The following ATRNL1 variants were observed in gnomAD, a reference collection of about 807,000 sequenced individuals.
ATRNL1 encodes the protein attractin like 1.
In ATRNL1, 95 loss-of-function variants were observed where a neutral mutation model predicts 182.7. The observed-to-expected ratio is 0.52, with a 90% confidence interval of 0.44 to 0.62. The LOEUF (loss-of-function observed/expected upper bound fraction) is 0.62. Among genes scored for constraint, ATRNL1 ranks in the 20% least tolerant of loss-of-function variants. The pLI, the probability that ATRNL1 is intolerant of heterozygous loss-of-function variation, is 0.00. For missense variants in ATRNL1, 1,471 were observed against 1,679.5 expected (o/e 0.88, Z 2.17); for synonymous variants, 576 against 568.3 (o/e 1.01, Z -0.19).
At chr10:115,577,829 A>G (rs1854816927) in intron 26 of ATRNL1, among the ~76,000 whole-genome samples, 2 of 151,650 alleles carry the variant, frequency 1.3e-5, no homozygotes, top group South Asian at 2.1e-4. Context: ...ACATTGTACC[A>G]TATATTAGAG....
chr10:115,609,948 G>A (rs1020177025), intron 26 of ATRNL1, among the ~76,000 whole-genome samples: 2 of 152,142 alleles, frequency 1.3e-5, no homozygotes, highest in African/African-American at 2.4e-5. Context: ...TGTTGTTTGT[G>A]AGTCTAATCA....
At position 115,942,182 on chromosome 10, in the gene ATRNL1, A is replaced by G. The variant is rs572742613; in HGVS notation, c.4019-2476A>G. Among the ~76,000 whole-genome samples, 27 of 152,368 alleles carry G rather than the reference A, an allele frequency of 1.8e-4. 1 individual carries two copies. In the South Asian group the frequency reaches 3.1e-3, roughly 18 times the overall value. ...CTTTTCCTTTAAATAATGCACTTAC[A>G]TAATTCCATGCATCCACATAAATTC... On this transcript the variant is annotated intron_variant, in intron 28 of 28. Transcript: ENST00000355044.
intron 7 of ATRNL1, among the ~76,000 whole-genome samples, chr10:115,168,226 C>T (rs983494043): frequency 2.6e-5 from 4 of 152,064 alleles, no homozygotes; most frequent in African/African-American, 9.7e-5. Context: ...GTTTATTCAT[C>T]GGTTGAGGAC....
chr10:115,860,348 A>G (rs1951285763), intron 28 of ATRNL1, among the ~76,000 whole-genome samples: 1 of 152,180 alleles, frequency 6.6e-6, no homozygotes, highest in African/African-American at 2.4e-5. Flanking sequence ...TGACTGTGCC[A>G]TCTGCCTTCC....
intron 8 of ATRNL1, among the ~76,000 whole-genome samples, chr10:115,200,129 T>C (rs2144295002): frequency 6.6e-6 from 1 of 152,200 alleles, no homozygotes; most frequent in Middle Eastern, 3.4e-3. Flanking sequence ...AGTTCAGTTT[T>C]ATCACATTTA....
chr10:115,602,982 G>C (rs1395597142), intron 26 of ATRNL1, among the ~76,000 whole-genome samples: 2 of 152,042 alleles, frequency 1.3e-5, no homozygotes, highest in Non-Finnish European at 2.9e-5. Flanking sequence ...TGTTAAAACA[G>C]ATACAAATGA....
intron 27 of ATRNL1, among the ~76,000 whole-genome samples, chr10:115,813,872 A>G (rs1345041911): frequency 1.3e-5 from 2 of 152,156 alleles, no homozygotes; most frequent in African/African-American, 2.4e-5. Context: ...CCTTTAATTA[A>G]GTTTGTTCAG....
At chr10:115,606,508 A>C (rs1385214423) in intron 26 of ATRNL1, among the ~76,000 whole-genome samples, 1 of 152,098 alleles carries the variant, frequency 6.6e-6, no homozygotes, top group Non-Finnish European at 1.5e-5. Flanking sequence ...GAGTTTTTGC[A>C]GTGCTTTTTG....
Position 115,188,175 on chromosome 10 carries a change from A to G in ATRNL1, c.1348+16883A>G, listed in dbSNP as rs529127531. 2.6e-5 allele frequency among the ~76,000 whole-genome samples: 4 copies of G among 152,204 alleles called. No individual in the cohort carries two copies. In the South Asian group the frequency reaches 8.3e-4, roughly 32 times the overall value. ...CAATTAGGGAATCTGAATGACAGGT[A>G]TATGTGTATGGGGAGTTCTTTGGCT... On this transcript the variant is annotated intron_variant, in intron 8 of 28. Coordinates refer to ENST00000355044, the MANE Select transcript of ATRNL1 (RefSeq NM_207303.4).
chr10:115,924,004 G>A (rs1953145381), intron 28 of ATRNL1, among the ~76,000 whole-genome samples: 1 of 152,202 alleles, frequency 6.6e-6, no homozygotes, highest in African/African-American at 2.4e-5. Context: ...TTAATGATCA[G>A]TGATGTTGAG....
At chr10:115,295,826 T>A (rs1592397390) in intron 15 of ATRNL1, among the ~76,000 whole-genome samples, 1 of 151,962 alleles carries the variant, frequency 6.6e-6, no homozygotes, top group East Asian at 1.9e-4. Context: ...TCCATTCAGC[T>A]GGGGTTGTGG....
chr10:115,233,654 G>A (rs1252023962), intron 9 of ATRNL1, among the ~76,000 whole-genome samples: 2 of 151,992 alleles, frequency 1.3e-5, no homozygotes, highest in Admixed American at 1.3e-4. Flanking sequence ...TTCATTGTGG[G>A]TTTTTTAGAT....
chr10:115,323,817 G>A (rs1230674223), intron 18 of ATRNL1, among the ~76,000 whole-genome samples: 1 of 150,448 alleles, frequency 6.6e-6, no homozygotes, highest in African/African-American at 2.5e-5. Flanking sequence ...AGTCTCTGTT[G>A]CCCAGCCTGG....
intron 26 of ATRNL1, among the ~76,000 whole-genome samples, chr10:115,695,133 A>C (rs1555049370): frequency 6.6e-6 from 1 of 152,138 alleles, no homozygotes; most frequent in Non-Finnish European, 1.5e-5. Flanking sequence ...TTTTTAAAAG[A>C]AAAGAAAAAA....
chr10:115,783,873 C>T (rs782766882), intron 27 of ATRNL1, among the ~76,000 whole-genome samples: 30 of 152,182 alleles, frequency 2.0e-4, no homozygotes, highest in African/African-American at 2.6e-4. Context: ...ATTAGCCAGG[C>T]GTGGTGGCGG....
chr10:115,678,348 T>C (rs1945934620), intron 26 of ATRNL1, among the ~76,000 whole-genome samples: 1 of 152,146 alleles, frequency 6.6e-6, no homozygotes, highest in Non-Finnish European at 1.5e-5. Flanking sequence ...TACCAATCTC[T>C]ATAGGTTAAG....
intron 24 of ATRNL1, among the ~76,000 whole-genome samples, chr10:115,518,350 T>G (rs1476488305): frequency 6.6e-6 from 1 of 151,936 alleles, no homozygotes; most frequent in African/African-American, 2.4e-5. Context: ...TTTGCAACAT[T>G]TTCATAAAAT....
At chr10:115,299,800 A>T (rs1853383587) in intron 15 of ATRNL1, among the ~76,000 whole-genome samples, 1 of 152,218 alleles carries the variant, frequency 6.6e-6, no homozygotes, top group Admixed American at 6.5e-5. Context: ...TAAATAAATT[A>T]TTCCAATCAT....
chr10:115,384,452 T>C (rs948581622), intron 19 of ATRNL1, among the ~76,000 whole-genome samples: 91 of 152,214 alleles, frequency 6.0e-4, no homozygotes, highest in African/African-American at 2.0e-3. Context: ...GGTTTTTTTT[T>C]CTTTTAAGAA....
Sources: gnomAD v4.1 joint callset for allele counts (sites outside exome capture counted in the v4.1 genomes callset) on GRCh38, gnomAD v4.1.1 for gene constraint, MANE v1.5 for transcripts, NCBI Gene and HGNC (gene_info 2026-07-23, HGNC 2026-07-21) for gene names.